Variants in NCKAP5 observed in about 807,000 individuals in gnomAD.
NCKAP5 encodes nck-associated protein 5.
In NCKAP5, 92 loss-of-function variants were observed where a neutral mutation model predicts 167.0. The ratio of observed to expected loss-of-function variants is 0.55; its 90% CI spans 0.47 to 0.66. The LOEUF (loss-of-function observed/expected upper bound fraction) is 0.66. Ranked by LOEUF, NCKAP5 falls within the 30% of genes least tolerant of loss-of-function variation. The pLI, the probability that NCKAP5 is intolerant of heterozygous loss-of-function variation, is 0.00. For missense variants in NCKAP5, 2,378 were observed against 2,315.0 expected, an observed-to-expected ratio of 1.03 and a Z score of -0.56; for synonymous variants, 891 against 877.4, an observed-to-expected ratio of 1.02 and a Z score of -0.27.
rs575909284 is a variant in NCKAP5 at position 132,777,160 on chromosome 2, G to A, written c.5050-3266C>T. Among the ~76,000 whole-genome samples the A allele has an allele frequency of 5.3e-4, 80 of 152,230 alleles. 4 individuals are homozygous for A. The South Asian group carries it at 0.017, about 32-fold the overall frequency. ...GTCAGTGCTTTGGGTGTCTTCTAAT[G>A]ATTTATCTCTAACTCTTGTCCATCT... On this transcript the variant is annotated intron_variant, in intron 15 of 19. Transcript: ENST00000409261.
At chr2:133,213,388 T>G (rs2086289721) in intron 5 of NCKAP5, among the ~76,000 whole-genome samples, 1 of 152,214 alleles carries the variant, frequency 6.6e-6, no homozygotes, top group Admixed American at 6.5e-5. Context: ...TTCAAAGAGC[T>G]GAGAGGTTTG....
At chr2:133,337,435 C>A (rs191097678) in intron 3 of NCKAP5, among the ~76,000 whole-genome samples, 78 of 152,328 alleles carry the variant, frequency 5.1e-4, no homozygotes, top group Middle Eastern at 3.4e-3. Context: ...ATCAGACTGA[C>A]ATAGAAAGAA....
chr2:133,092,271 T>C (rs1314857510), intron 6 of NCKAP5, among the ~76,000 whole-genome samples: 1 of 152,116 alleles, frequency 6.6e-6, no homozygotes, highest in Non-Finnish European at 1.5e-5. Context: ...GGTGTCCTAA[T>C]AAGGGGAGGG....
the NCKAP5 span, among the ~76,000 whole-genome samples, chr2:133,666,542 CTTAT>C: frequency 6.6e-6 from 1 of 151,912 alleles, no homozygotes; most frequent in African/African-American, 2.4e-5. Context: ...TTCACTATTA[CTTAT>C]TTAACAGTCA....
At chr2:133,605,536 C>A in the NCKAP5 span, among the ~76,000 whole-genome samples, 1 of 152,194 alleles carries the variant, frequency 6.6e-6, no homozygotes, top group African/African-American at 2.4e-5. Flanking sequence ...ATTGATGCAT[C>A]TGCTAACTTG....
chr2:133,060,649 T>C (rs1573906653), intron 6 of NCKAP5, among the ~76,000 whole-genome samples: 1 of 152,270 alleles, frequency 6.6e-6, no homozygotes, highest in East Asian at 1.9e-4. Context: ...TGAATGGAGA[T>C]TTCAACGGTG....
At chr2:132,722,278 C>T (rs1209108558) in intron 19 of NCKAP5, among the ~76,000 whole-genome samples, 2 of 152,174 alleles carry the variant, frequency 1.3e-5, no homozygotes, top group African/African-American at 2.4e-5. Context: ...TTAGACCATC[C>T]TCCCCCTCCA....
intron 3 of NCKAP5, among the ~76,000 whole-genome samples, chr2:133,471,896 A>G (rs1679365569): frequency 1.3e-5 from 2 of 152,184 alleles, no homozygotes; most frequent in Admixed American, 6.5e-5. Context: ...TTTCACGACC[A>G]TATGTTATGC....
chr2:133,251,532 G>C (rs1488933605), intron 4 of NCKAP5, among the ~76,000 whole-genome samples: 1 of 150,842 alleles, frequency 6.6e-6, no homozygotes, highest in East Asian at 1.9e-4. Context: ...ACAGCATTTA[G>C]CACATAGCAG....
chr2:133,312,264 A>C (rs1331433734), intron 3 of NCKAP5, among the ~76,000 whole-genome samples: 2 of 152,216 alleles, frequency 1.3e-5, no homozygotes, highest in Non-Finnish European at 2.9e-5. Flanking sequence ...ATTTGGTACC[A>C]AGGCAGTAGA....
rs1156648895 is a variant in NCKAP5 at position 132,860,608 on chromosome 2, G to A, written c.691C>T (p.Leu231=). The A allele has an allele frequency of 6.4e-7, 1 of 1,569,644 alleles. No homozygotes were observed. The highest frequency in any genetic ancestry group is 8.7e-7 in the Non-Finnish European group (1 of 1,155,362). Reference sequence around the variant, plus strand: ...TTCAACTTCACACATTCCTCTCTTAGATCCTACAACAAACACATCGAAGGA... The same window carrying A: ...TTCAACTTCACACATTCCTCTCTTAAATCCTACAACAAACACATCGAAGGA... The part of the protein sequence containing the change: ...VVQALLTQKD[L]REECVKLKTR... Residue 231 remains leucine (L), a synonymous_variant, in exon 11 of 20, where the codon CTA becomes TTA. Transcript: ENST00000409261.
At chr2:132,907,675 T>TG (rs1266657471) in intron 8 of NCKAP5, among the ~76,000 whole-genome samples, 8 of 152,130 alleles carry the variant, frequency 5.3e-5, no homozygotes, top group African/African-American at 1.9e-4. Flanking sequence ...TCTTTTTTTT[T>TG]GAGAAGGAGT....
chr2:133,420,285 T>C (rs560180513), intron 3 of NCKAP5, among the ~76,000 whole-genome samples: 5 of 152,346 alleles, frequency 3.3e-5, no homozygotes, highest in African/African-American at 1.2e-4. Context: ...AATTAAAAAA[T>C]GAAGCACTGA....
intron 13 of NCKAP5, among the ~76,000 whole-genome samples, chr2:132,789,049 C>G (rs1374018025): frequency 3.3e-5 from 5 of 152,112 alleles, no homozygotes; most frequent in Non-Finnish European, 5.9e-5. Context: ...CATGAAGTGC[C>G]TTAAGAACCT....
At chr2:133,045,539 T>C (rs2079367870) in intron 6 of NCKAP5, among the ~76,000 whole-genome samples, 1 of 151,928 alleles carries the variant, frequency 6.6e-6, no homozygotes, top group South Asian at 2.1e-4. Context: ...AGACAAGGGT[T>C]CTTTCCATTA....
intron 3 of NCKAP5, among the ~76,000 whole-genome samples, chr2:133,339,456 T>C (rs1352093485): frequency 6.6e-6 from 1 of 152,172 alleles, no homozygotes; most frequent in Non-Finnish European, 1.5e-5. Context: ...GATGAAATAA[T>C]TCCATGACTT....
At chr2:133,131,287 G>A (rs1024037908) in intron 5 of NCKAP5, among the ~76,000 whole-genome samples, 16 of 152,096 alleles carry the variant, frequency 1.1e-4, no homozygotes, top group South Asian at 4.2e-4. Context: ...TAGGTCTCTC[G>A]GTTGAAAGCC....
At chr2:132,780,996 C>G in intron 15 of NCKAP5, 56 bp downstream of exon 15, 2 of 1,548,826 alleles carry the variant, frequency 1.3e-6, no homozygotes, top group South Asian at 2.4e-5. Flanking sequence ...GTAGAAAGAC[C>G]CCAGCCAGAA....
chr2:133,289,882 G>C (rs75746751), intron 4 of NCKAP5, among the ~76,000 whole-genome samples: 17,160 of 152,132 alleles, frequency 0.11, 1,045 homozygotes, highest in African/African-American at 0.12. Flanking sequence ...CATCTTACAT[G>C]GCCAGAGGAA....
Sources: gnomAD v4.1 joint callset for allele counts (sites outside exome capture counted in the v4.1 genomes callset) on GRCh38, gnomAD v4.1.1 for gene constraint, MANE v1.5 for transcripts, NCBI Gene and HGNC (gene_info 2026-07-23, HGNC 2026-07-21) for gene names.